FRMD4A: variants seen among roughly 807,000 people sequenced by gnomAD.
The protein encoded by FRMD4A is FERM domain-containing protein 4A.
Under a neutral mutation model 129.1 loss-of-function variants are expected in FRMD4A, and 29 were observed. That is an observed-to-expected ratio of 0.22 (90% CI 0.17 to 0.31). FRMD4A has a LOEUF of 0.31. FRMD4A is among the 10% of genes least tolerant of loss of function. The pLI is 1.00. For missense variants in FRMD4A, 1,272 were observed against 1,375.8 expected (o/e 0.92, Z 1.19); for synonymous variants, 634 against 571.6 (o/e 1.11, Z -1.56).
chr10:14,144,951 C>G (rs1840005033), intron 2 of FRMD4A, among the ~76,000 whole-genome samples: 1 of 152,084 alleles, frequency 6.6e-6, no homozygotes, highest in Non-Finnish European at 1.5e-5. Flanking sequence ...TCCTTAGAAA[C>G]CATCTACTGC....
intron 3 of FRMD4A, among the ~76,000 whole-genome samples, chr10:13,848,622 G>A (rs1302005324): frequency 7.9e-6 from 1 of 126,620 alleles, no homozygotes; most frequent in African/African-American, 2.8e-5. Flanking sequence ...GTGTGTGTGT[G>A]TGTGTGTGTG....
chr10:14,091,723 G>A (rs1197573619), intron 2 of FRMD4A, among the ~76,000 whole-genome samples: 9 of 152,184 alleles, frequency 5.9e-5, no homozygotes, highest in African/African-American at 2.2e-4. Context: ...GTGAGCCACC[G>A]TGCCTGGCCC....
At chr10:13,875,785 G>A (rs1314443809) in intron 2 of FRMD4A, among the ~76,000 whole-genome samples, 6 of 152,266 alleles carry the variant, frequency 3.9e-5, no homozygotes, top group South Asian at 4.1e-4. Context: ...TAGTGGTAGC[G>A]TGACCATACA....
intron 2 of FRMD4A, among the ~76,000 whole-genome samples, chr10:14,246,772 C>T (rs1844256893): frequency 6.6e-6 from 1 of 152,112 alleles, no homozygotes; most frequent in Admixed American, 6.5e-5. Context: ...TTAGGTCCCG[C>T]CTCGGTGGAA....
chr10:13,677,262 A>G (rs1488187001), intron 15 of FRMD4A, among the ~76,000 whole-genome samples: 2 of 152,214 alleles, frequency 1.3e-5, no homozygotes, highest in African/African-American at 2.4e-5. Context: ...AATAGAGAAT[A>G]TATCTGTCAC....
intron 14 of FRMD4A, among the ~76,000 whole-genome samples, chr10:13,698,917 T>G (rs1887004): frequency 3.9e-5 from 6 of 151,996 alleles, no homozygotes; most frequent in African/African-American, 1.4e-4. Context: ...TCCTTCTCCT[T>G]CTGGGAGCGT....
chr10:13,676,464 G>A (rs1352201050), intron 15 of FRMD4A, among the ~76,000 whole-genome samples: 1 of 148,722 alleles, frequency 6.7e-6, no homozygotes, highest in South Asian at 2.1e-4. Context: ...TAGTTGAGAC[G>A]GGGTTTCACC....
rs200369296 is a variant in FRMD4A, at chr10:14,000,667, A to AAAAAG, written c.46-141756_46-141755insCTTTT. ...ACCTCAAAAAAAAAAAAAAAAAAAA[A>AAAAAG]AGAGAAGAAAGCTATGTCCCCTTTC... is the stretch of plus-strand genomic sequence containing the variant. On this transcript the variant is annotated intron_variant, in intron 2 of 24. Transcript: ENST00000357447. Among the ~76,000 whole-genome samples the AAAAAG allele has an allele frequency of 5.1e-4, 54 of 106,904 alleles. 1 individual carries two copies. The highest frequency in any genetic ancestry group is 8.9e-4 in the South Asian group (2 of 2,244). The allele number at this position is 106,904 out of a possible 152,430, so 70.1% of individuals were successfully genotyped here.
At chr10:14,147,059 CA>C (rs1840108916) in intron 2 of FRMD4A, among the ~76,000 whole-genome samples, 1 of 152,166 alleles carries the variant, frequency 6.6e-6, no homozygotes, top group African/African-American at 2.4e-5. Context: ...AATAAACAAA[CA>C]AATGCCAGAC....
At chr10:14,084,958 C>A (rs1836174620) in intron 2 of FRMD4A, among the ~76,000 whole-genome samples, 1 of 152,094 alleles carries the variant, frequency 6.6e-6, no homozygotes. Flanking sequence ...TGGGAATTGT[C>A]AATAACAAAC....
rs565137074 is a variant in FRMD4A, at chr10:13,995,217, G to T, written c.46-136305C>A. On this transcript the variant is annotated intron_variant, in intron 2 of 24. Coordinates refer to ENST00000357447, the MANE Select transcript of FRMD4A (RefSeq NM_018027.5). ...CGAAGATATTTTTGTTTGCTCTTAG[G>T]TATGTTGGTTTAATACCATCAAGGA... Among the ~76,000 whole-genome samples, 3 of 152,272 alleles carry T rather than the reference G, an allele frequency of 2.0e-5. No homozygotes were observed. In the East Asian group the frequency reaches 5.8e-4, roughly 29 times the overall value.
chr10:14,195,745 G>A (rs1207664168), intron 2 of FRMD4A, among the ~76,000 whole-genome samples: 2 of 152,198 alleles, frequency 1.3e-5, no homozygotes, highest in Non-Finnish European at 2.9e-5. Context: ...TCTGAGGGCA[G>A]AGCCCAGGAT....
chr10:13,671,084 G>A (rs2083472113), intron 16 of FRMD4A, among the ~76,000 whole-genome samples: 1 of 152,200 alleles, frequency 6.6e-6, no homozygotes, highest in South Asian at 2.1e-4. Context: ...AACTGAGTAA[G>A]GATAGTAACC....
intron 24 of FRMD4A, among the ~76,000 whole-genome samples, chr10:13,650,404 A>G (rs911433622): frequency 5.3e-5 from 8 of 151,996 alleles, no homozygotes; most frequent in African/African-American, 1.9e-4. Flanking sequence ...GTGCACATGT[A>G]TGCATGAGCA....
At chr10:13,894,686 G>A (rs2094738222) in intron 2 of FRMD4A, among the ~76,000 whole-genome samples, 2 of 152,232 alleles carry the variant, frequency 1.3e-5, no homozygotes, top group Non-Finnish European at 2.9e-5. Context: ...TTGGGTAGCT[G>A]GCTCCTGGTC....
intron 12 of FRMD4A, among the ~76,000 whole-genome samples, chr10:13,726,529 C>T (rs2134999732): frequency 6.6e-6 from 1 of 152,308 alleles, no homozygotes; most frequent in South Asian, 2.1e-4. Flanking sequence ...GCCTTAAGCT[C>T]CACTGCCTGT....
intron 2 of FRMD4A, among the ~76,000 whole-genome samples, chr10:14,154,435 C>T (rs1840498894): frequency 6.6e-6 from 1 of 152,062 alleles, no homozygotes. Context: ...ATGTATGGAT[C>T]CCTTTCAAAA....
intron 21 of FRMD4A, among the ~76,000 whole-genome samples, chr10:13,658,601 C>T (rs2082375042): frequency 6.6e-6 from 1 of 152,208 alleles, no homozygotes; most frequent in South Asian, 2.1e-4. Context: ...GAAGGTGTGG[C>T]TAGGAGCGGT....
At chr10:13,889,386 T>G (rs1293489039) in intron 2 of FRMD4A, among the ~76,000 whole-genome samples, 4 of 152,214 alleles carry the variant, frequency 2.6e-5, no homozygotes, top group Non-Finnish European at 5.9e-5. Context: ...TCTTTCCCTT[T>G]GACCTCAGGC....
Sources: gnomAD v4.1 joint callset for allele counts (sites outside exome capture counted in the v4.1 genomes callset) on GRCh38, gnomAD v4.1.1 for gene constraint, MANE v1.5 for transcripts, NCBI Gene and HGNC (gene_info 2026-07-23, HGNC 2026-07-21) for gene names.